The following XPO5 variants were observed in gnomAD, a reference collection of about 807,000 sequenced individuals.
XPO5 encodes the protein exportin-5.
In XPO5, 46 loss-of-function variants were observed where a neutral mutation model predicts 160.6. That is an observed-to-expected ratio of 0.29 (90% CI 0.23 to 0.37). XPO5 has a LOEUF of 0.37. Ranked by LOEUF, XPO5 falls within the 10% of genes least tolerant of loss-of-function variation. The pLI, the probability that XPO5 is intolerant of heterozygous loss-of-function variation, is 1.00. For missense variants in XPO5, 1,090 were observed against 1,463.9 expected (o/e 0.74, Z 4.17); for synonymous variants, 537 against 519.3 (o/e 1.03, Z -0.46).
intron 8 of XPO5, among the ~76,000 whole-genome samples, chr6:43,563,869 C>T (rs1466871855): frequency 6.6e-6 from 1 of 152,136 alleles, no homozygotes; most frequent in Admixed American, 6.5e-5. Context: ...AAGCCTAGGA[C>T]ATTACTGGAC....
At chr6:43,525,726 T>C (rs537329427) in intron 28 of XPO5, 113 bp downstream of exon 28, 108 of 1,120,748 alleles carry the variant, frequency 9.6e-5, no homozygotes, top group Middle Eastern at 2.1e-4. Context: ...CAGGAACTTA[T>C]GTAACAAAGG....
intron 12 of XPO5, among the ~76,000 whole-genome samples, chr6:43,557,768 G>C (rs1465647350): frequency 9.4e-6 from 1 of 106,164 alleles, no homozygotes; most frequent in Non-Finnish European, 1.8e-5. Context: ...AATGAATTTT[G>C]TCTCAATAAA....
chr6:43,537,395 T>TA (rs1400172732), intron 20 of XPO5, among the ~76,000 whole-genome samples: 2 of 152,188 alleles, frequency 1.3e-5, no homozygotes, highest in African/African-American at 4.8e-5. Context: ...GATTATCTGC[T>TA]AAAAAACTGA....
intron 22 of XPO5, among the ~76,000 whole-genome samples, chr6:43,531,075 T>C (rs1793945451): frequency 6.6e-6 from 1 of 152,234 alleles, no homozygotes; most frequent in African/African-American, 2.4e-5. Flanking sequence ...GGCTGATTAG[T>C]GTAGTGGTTA....
At chr6:43,575,415 G>C (rs969833594) in intron 1 of XPO5, among the ~76,000 whole-genome samples, 1 of 152,232 alleles carries the variant, frequency 6.6e-6, no homozygotes, top group Non-Finnish European at 1.5e-5. Flanking sequence ...CCTCGGGAAG[G>C]CGAGGGGATG....
chr6:43,553,472 G>A lies in XPO5; in HGVS notation c.1473C>T (p.Ser491=), dbSNP rs766392828. 6.4e-6 allele frequency: 10 copies of A among 1,568,102 alleles called. No individual in the cohort carries two copies. The highest frequency in any genetic ancestry group is 7.8e-6 in the Non-Finnish European group (9 of 1,156,124). ...SCSAVGTGEG[S]LCSVFSPSFV... ...ATGAAGGTGAGAAGACGGAACAGAGGCTTCCTTCTCCAGTTCCAACTGCAG... is the reference window on the plus strand; with the variant it reads ...ATGAAGGTGAGAAGACGGAACAGAGACTTCCTTCTCCAGTTCCAACTGCAG... The change falls in exon 14 of 32, where the codon AGC becomes AGT. Residue 491 remains serine, a synonymous_variant. Coordinates refer to ENST00000265351, the MANE Select transcript of XPO5 (RefSeq NM_020750.3).
At position 43,524,232 on chromosome 6, in the gene XPO5, A is replaced by T. The variant is rs566656581; in HGVS notation, c.3478-227T>A. On this transcript the variant is annotated intron_variant, in intron 31 of 31. Transcript: ENST00000265351. The stretch of plus-strand genomic sequence containing the variant: ...CCAGACGTGGTGGTGCATGCCTGTA[A>T]TCCCAGCTACTTGGGAGGCTGAGGC... Among the ~76,000 whole-genome samples, 4 of 152,172 alleles carry T rather than the reference A, an allele frequency of 2.6e-5. No homozygotes were observed. The South Asian group carries it at 8.3e-4, about 32-fold the overall frequency.
In XPO5 at chr6:43,522,714, CTT is replaced by C. The variant is rs765625820; in HGVS notation, c.*1152_*1153del. 44 of 502,212 alleles carry C rather than the reference CTT, an allele frequency of 8.8e-5. No homozygotes were observed. Among genetic ancestry groups the C allele is most frequent in the African/African-American group, 4.7e-4 (24 of 51,444 alleles). 31.1% of individuals were successfully genotyped at this position (502,212 alleles called of 1,614,324 possible). ...CCACTTCGGCTCTCGGGGAAACCCT[CTT>C]GTCAGTGGACTGGATGGACAACAGG... On this transcript the variant is annotated 3_prime_UTR_variant, in exon 32 of 32. Coordinates refer to ENST00000265351, the MANE Select transcript of XPO5 (RefSeq NM_020750.3).
intron 29 of XPO5, 61 bp from the exon 30 acceptor site, chr6:43,525,029 G>A (rs762102119): frequency 2.8e-5 from 44 of 1,591,666 alleles, no homozygotes; most frequent in Non-Finnish European, 3.8e-5. Flanking sequence ...CAGCACCCCA[G>A]TTCTTCTGAA....
intron 7 of XPO5, among the ~76,000 whole-genome samples, chr6:43,566,113 C>T (rs2127750691): frequency 6.6e-6 from 1 of 152,158 alleles, no homozygotes; most frequent in African/African-American, 2.4e-5. Context: ...AAAAATTAGG[C>T]CAGGTGCCGT....
intron 26 of XPO5, chr6:43,527,154 C>T (rs1393658074): frequency 1.8e-5 from 4 of 218,248 alleles, no homozygotes; most frequent in Non-Finnish European, 9.4e-6. Flanking sequence ...ATCCAAATTC[C>T]TTCTGCTATT....
chr6:43,556,973 AAAC>A, intron 12 of XPO5, among the ~76,000 whole-genome samples: 1 of 151,942 alleles, frequency 6.6e-6, no homozygotes, highest in African/African-American at 2.4e-5. Context: ...ACTAAAAATA[AAAC>A]AATTAGCTGG....
At chr6:43,530,044 C>T (rs1793865454) in intron 23 of XPO5, among the ~76,000 whole-genome samples, 1 of 152,080 alleles carries the variant, frequency 6.6e-6, no homozygotes, top group African/African-American at 2.4e-5. Flanking sequence ...TACTTGAGGT[C>T]AGGAGTTTGA....
In XPO5 at chr6:43,525,911, C is replaced by A. The variant is rs746907635; in HGVS notation, c.2994G>T (p.Met998Ile). The A allele has an allele frequency of 1.2e-6, 2 of 1,613,986 alleles. No individual in the cohort carries two copies. Among genetic ancestry groups the A allele is most frequent in the South Asian group, 1.1e-5 (1 of 91,066 alleles). Reference protein sequence around the residue: ...APPADGDDEEMMATEVTPSAM... With the variant: ...APPADGDDEEIMATEVTPSAM... ...CTGAGGGGGTGACCTCTGTGGCCAT[C>A]ATTTCTTCATCTGTTATCAGAGAGT... Residue 998 changes from methionine (M) to isoleucine (I), a missense_variant, in exon 28 of 32, where the codon ATG becomes ATT. Met to Ile is a conservative substitution (Grantham distance 10, BLOSUM62 1). Coordinates refer to ENST00000265351, the MANE Select transcript of XPO5 (RefSeq NM_020750.3).
chr6:43,538,771 C>G (rs549779789), intron 20 of XPO5: 77 of 532,912 alleles, frequency 1.4e-4, no homozygotes, highest in Middle Eastern at 5.5e-4. Flanking sequence ...CTACATTTTT[C>G]TTTTTTTTTT....
chr6:43,535,246 C>G (rs1057496214), intron 20 of XPO5, among the ~76,000 whole-genome samples: 1 of 150,996 alleles, frequency 6.6e-6, no homozygotes, highest in East Asian at 2.0e-4. Flanking sequence ...GGCAACAGAG[C>G]GAGACTCTGT....
chr6:43,551,463 A>C lies in XPO5; in HGVS notation c.1573-10T>G, dbSNP rs778640479. Reference sequence around the variant, plus strand: ...CATTAACAGGAATTTCCTGTAACAAAGACATAAAACAGGTTGACAATGGCT... The same window carrying C: ...CATTAACAGGAATTTCCTGTAACAACGACATAAAACAGGTTGACAATGGCT... On this transcript the variant is annotated splice_polypyrimidine_tract_variant and intron_variant, in intron 14 of 31. Coordinates refer to ENST00000265351, the MANE Select transcript of XPO5 (RefSeq NM_020750.3). The C allele has an allele frequency of 6.2e-7, 1 of 1,610,918 alleles. No homozygotes were observed. Among genetic ancestry groups the C allele is most frequent in the Non-Finnish European group, 8.5e-7 (1 of 1,179,012 alleles).
intron 15 of XPO5, 42 bp downstream of exon 15, chr6:43,551,256 G>A: frequency 7.2e-6 from 11 of 1,522,352 alleles, no homozygotes; most frequent in Non-Finnish European, 9.7e-6. Flanking sequence ...AATTAACTTA[G>A]AAATGTCAAA....
At chr6:43,528,046 A>G in intron 25 of XPO5, 113 bp downstream of exon 25, 1 of 1,106,174 alleles carries the variant, frequency 9.0e-7, no homozygotes, top group Admixed American at 2.3e-5. Context: ...GAGAATGACT[A>G]CAACCTACTG....
Sources: allele counts gnomAD v4.1 joint callset (sites outside exome capture counted in the v4.1 genomes callset), GRCh38; gene constraint gnomAD v4.1.1; transcripts MANE v1.5; gene names NCBI Gene and HGNC (gene_info 2026-07-23, HGNC 2026-07-21).